CELF2: variants seen among roughly 807,000 people sequenced by gnomAD.
The protein encoded by CELF2 is CUG triplet repeat RNA-binding protein 2.
A neutral mutation model predicts 62.6 loss-of-function variants in CELF2; 8 were observed. The ratio of observed to expected loss-of-function variants is 0.13; its 90% CI spans 0.07 to 0.23. The LOEUF (loss-of-function observed/expected upper bound fraction) is 0.23, where lower values mean the gene tolerates loss of function less well. Ranked by LOEUF, CELF2 falls within the 10% of genes least tolerant of loss-of-function variation. The probability of loss-of-function intolerance (pLI) is 1.00; values close to 1 mark genes in which losing one functional copy is unlikely to be tolerated. For synonymous variants in CELF2, 258 were observed against 250.0 expected (o/e 1.03, Z -0.30); for missense variants, 333 against 671.0 (o/e 0.50, Z 5.56).
chr10:10,677,463 G>A, the CELF2 span, among the ~76,000 whole-genome samples: 1 of 152,130 alleles, frequency 6.6e-6, no homozygotes, highest in East Asian at 1.9e-4. Flanking sequence ...TCTCTGAGAC[G>A]GTCACAATCA....
intron 1 of CELF2, among the ~76,000 whole-genome samples, chr10:11,120,710 T>C (rs2057568617): frequency 6.6e-6 from 1 of 152,184 alleles, no homozygotes; most frequent in Admixed American, 6.5e-5. Flanking sequence ...GCTTAATTTC[T>C]CCTCCAGCTT....
At chr10:10,577,285 C>A in the CELF2 span, among the ~76,000 whole-genome samples, 1 of 152,116 alleles carries the variant, frequency 6.6e-6, no homozygotes, top group African/African-American at 2.4e-5. Flanking sequence ...CACTTGATCA[C>A]CTCTTCAGTT....
At chr10:10,625,029 A>G in the CELF2 span, among the ~76,000 whole-genome samples, 2 of 152,234 alleles carry the variant, frequency 1.3e-5, no homozygotes, top group African/African-American at 4.8e-5. Flanking sequence ...ATGTTTACCA[A>G]CAAAATTAAA....
intron 2 of CELF2, among the ~76,000 whole-genome samples, chr10:10,975,968 G>T (rs2051294084): frequency 6.6e-6 from 1 of 152,214 alleles, no homozygotes; most frequent in African/African-American, 2.4e-5. Context: ...GGAAATTGAG[G>T]GGCAGATTGT....
intron 1 of CELF2, among the ~76,000 whole-genome samples, chr10:11,128,735 G>A (rs1159953682): frequency 1.3e-5 from 2 of 152,174 alleles, no homozygotes; most frequent in Non-Finnish European, 2.9e-5. Flanking sequence ...TTTGTATCCC[G>A]AGACTTTGCT....
the CELF2 span, among the ~76,000 whole-genome samples, chr10:10,503,291 A>C: frequency 6.6e-6 from 1 of 151,838 alleles, no homozygotes; most frequent in African/African-American, 2.4e-5. Flanking sequence ...CTAATTTTCT[A>C]TCTAGTTATT....
chr10:10,545,205 T>C, the CELF2 span, among the ~76,000 whole-genome samples: 1 of 152,246 alleles, frequency 6.6e-6, no homozygotes, highest in Non-Finnish European at 1.5e-5. Context: ...CTTAAAGTAT[T>C]CTTTTGTGAT....
At chr10:10,761,388 T>C in the CELF2 span, among the ~76,000 whole-genome samples, 1 of 152,182 alleles carries the variant, frequency 6.6e-6, no homozygotes, top group African/African-American at 2.4e-5. Flanking sequence ...AAAGTAGACA[T>C]GGTTGAGTAG....
the CELF2 span, among the ~76,000 whole-genome samples, chr10:10,462,958 AC>A: frequency 6.6e-6 from 1 of 152,092 alleles, no homozygotes; most frequent in Non-Finnish European, 1.5e-5. Flanking sequence ...CAGGGATGTT[AC>A]GGGTTTTAAT....
At chr10:10,961,665 G>T (rs952796795) in intron 2 of CELF2, among the ~76,000 whole-genome samples, 1 of 151,682 alleles carries the variant, frequency 6.6e-6, no homozygotes, top group Non-Finnish European at 1.5e-5. Flanking sequence ...AAAATGGCTT[G>T]AGCCCAAGAG....
chr10:11,213,416 C>T (rs570546099), intron 2 of CELF2, among the ~76,000 whole-genome samples: 1 of 152,230 alleles, frequency 6.6e-6, no homozygotes, highest in East Asian at 1.9e-4. Flanking sequence ...AGGTGGTTCC[C>T]TTAACAGCTG....
At chr10:10,558,477 G>A in the CELF2 span, among the ~76,000 whole-genome samples, 2 of 152,150 alleles carry the variant, frequency 1.3e-5, no homozygotes, top group South Asian at 4.1e-4. Context: ...GTTCATCAAG[G>A]ATATTGGCCT....
Position 11,145,698 on chromosome 10 carries a change from C to A in CELF2, c.75-19788C>A, listed in dbSNP as rs1487066955. Among the ~76,000 whole-genome samples the A allele has an allele frequency of 6.6e-6, 1 of 152,184 alleles. No individual in the cohort carries two copies. The highest frequency in any genetic ancestry group is 1.9e-4 in the East Asian group (1 of 5,194). Reference sequence around the variant, plus strand: ...GTAGAACAACTGCACATAAACCAGACATGCTTTAGAAAATCCAGCCAGGCC... The same window carrying A: ...GTAGAACAACTGCACATAAACCAGAAATGCTTTAGAAAATCCAGCCAGGCC... On this transcript the variant is annotated intron_variant, in intron 1 of 12. Coordinates refer to ENST00000633077, the MANE Select transcript of CELF2 (RefSeq NM_001326342.2). This position sits in a 1 kb window ranked among gnomAD's most constrained non-coding sequence, Gnocchi z 4.3.
intron 2 of CELF2, among the ~76,000 whole-genome samples, chr10:10,937,753 G>C (rs10490949): frequency 0.35 from 53,377 of 151,906 alleles, 10,203 homozygotes; most frequent in East Asian, 0.73. Context: ...TTATTTGTGT[G>C]AAGTAATTGA....
intron 2 of CELF2, among the ~76,000 whole-genome samples, chr10:10,959,517 C>A (rs948212813): frequency 1.3e-5 from 2 of 152,136 alleles, no homozygotes; most frequent in Non-Finnish European, 2.9e-5. Context: ...TTTTTCCATG[C>A]ATTTTCCAAG....
At chr10:10,464,746 C>G in the CELF2 span, among the ~76,000 whole-genome samples, 1 of 152,158 alleles carries the variant, frequency 6.6e-6, no homozygotes, top group East Asian at 1.9e-4. Context: ...AACTAGTAAT[C>G]AGTCCATAAC....
the CELF2 span, among the ~76,000 whole-genome samples, chr10:10,618,562 C>T: frequency 6.6e-6 from 1 of 152,090 alleles, no homozygotes; most frequent in Non-Finnish European, 1.5e-5. Flanking sequence ...CATGGCAACG[C>T]TTATGGTGGG....
intron 2 of CELF2, among the ~76,000 whole-genome samples, chr10:10,950,584 A>ATT (rs2048211380): frequency 6.6e-6 from 1 of 152,212 alleles, no homozygotes; most frequent in Non-Finnish European, 1.5e-5. Context: ...GAATGGCAGA[A>ATT]TTGCAAGGAT....
intron 1 of CELF2, among the ~76,000 whole-genome samples, chr10:11,087,088 C>G (rs1289015383): frequency 6.6e-6 from 1 of 152,146 alleles, no homozygotes; most frequent in African/African-American, 2.4e-5. Context: ...GGGAAGACTG[C>G]TCCCCAAAAT....
Sources: allele counts gnomAD v4.1 joint callset (sites outside exome capture counted in the v4.1 genomes callset), GRCh38; gene constraint gnomAD v4.1.1; non-coding constraint Gnocchi (gnomAD v3.1); transcripts MANE v1.5; gene names NCBI Gene and HGNC (gene_info 2026-07-23, HGNC 2026-07-21).